Variants in NOMO2 observed in about 807,000 individuals in gnomAD.
NOMO2 encodes the protein NODAL modulator 2.
A neutral mutation model predicts 67.1 loss-of-function variants in NOMO2; 14 were observed. The ratio of observed to expected loss-of-function variants is 0.21; its 90% confidence interval spans 0.14 to 0.33. The LOEUF (loss-of-function observed/expected upper bound fraction) is 0.33, where lower values mean the gene tolerates loss of function less well. Ranked by LOEUF, NOMO2 falls within the 10% of genes least tolerant of loss-of-function variation. The pLI is 1.00. For synonymous variants in NOMO2, 80 were observed against 305.9 expected (o/e 0.26, Z 7.71); for missense variants, 178 against 761.0 (o/e 0.23, Z 9.01).
intron 1 of NOMO2, among the ~76,000 whole-genome samples, chr16:18,558,098 T>G (rs1369080945): frequency 6.7e-6 from 1 of 149,878 alleles, no homozygotes; most frequent in Middle Eastern, 3.4e-3. Flanking sequence ...TAAAACAAAT[T>G]TGCAAACTTT....
At chr16:18,555,479 GAACCAT>G (rs1901881944) in intron 2 of NOMO2, among the ~76,000 whole-genome samples, 1 of 149,024 alleles carries the variant, frequency 6.7e-6, no homozygotes, top group African/African-American at 2.5e-5. Context: ...GTGCTGCAGT[GAACCAT>G]AATTGTGCCC....
intron 1 of NOMO2, among the ~76,000 whole-genome samples, chr16:18,560,022 A>G (rs879761713): frequency 0.031 from 4,418 of 144,452 alleles, no homozygotes; most frequent in African/African-American, 0.07. Context: ...TGTTGACTCA[A>G]TGAACACGAT....
At position 18,529,880 on chromosome 16, in the gene NOMO2, T is replaced by C. The variant is rs376571400; in HGVS notation, c.1670-243A>G. On this transcript the variant is annotated intron_variant, in intron 14 of 30. Transcript: ENST00000622306. ...CTATAATCCCAGCACTCTGGGAGGCTGACGGCAGTTGGATGGCTTGAAGCC... is the reference window on the plus strand; with the variant it reads ...CTATAATCCCAGCACTCTGGGAGGCCGACGGCAGTTGGATGGCTTGAAGCC... 8.9e-4 allele frequency among the ~76,000 whole-genome samples: 134 copies of C among 150,728 alleles called. 1 individual carries two copies. Among genetic ancestry groups the C allele is most frequent in the Middle Eastern group, 3.4e-3 (1 of 290 alleles).
intron 1 of NOMO2, chr16:18,558,800 G>C (rs1303808365): frequency 2.2e-6 from 1 of 455,218 alleles, no homozygotes; most frequent in Non-Finnish European, 4.4e-6. Flanking sequence ...TAGACACAGA[G>C]CCGCTCCTTT....
intron 1 of NOMO2, among the ~76,000 whole-genome samples, chr16:18,559,956 T>C (rs1376634237): frequency 1.3e-5 from 2 of 151,800 alleles, no homozygotes; most frequent in Non-Finnish European, 2.9e-5. Flanking sequence ...TTCACTGTAC[T>C]GCTATATCCA....
chr16:18,558,731 T>C (rs904039422), intron 1 of NOMO2: 54 of 420,306 alleles, frequency 1.3e-4, no homozygotes, highest in Non-Finnish European at 2.5e-4. Flanking sequence ...CCAAATGCCA[T>C]CTGAGTCTTC....
In NOMO2 at chr16:18,557,702, C is replaced by T. The variant is rs1209566795; in HGVS notation, c.255G>A (p.Lys85=). The change falls in exon 2 of 31, where the codon AAG becomes AAA. Residue 85 remains lysine (K), a splice_region_variant and synonymous_variant. Coordinates refer to ENST00000622306, the MANE Select transcript of NOMO2 (RefSeq NM_173614.4). ...NGYFMIPLYD[K]GDFILKIEPP... is the part of the protein sequence containing the mutation. ...TAAGTGACAAGCAGTCCCCTCTTACCTTATCATACAAAGGGATCATAAAGT... is the reference window on the plus strand; with the variant it reads ...TAAGTGACAAGCAGTCCCCTCTTACTTTATCATACAAAGGGATCATAAAGT... 1.2e-6 allele frequency: 2 copies of T among 1,610,570 alleles called. No homozygotes were observed. The highest frequency in any genetic ancestry group is 2.7e-5 in the African/African-American group (2 of 74,768).
chr16:18,561,078 C>T (rs1316703511), intron 1 of NOMO2, among the ~76,000 whole-genome samples: 1 of 148,556 alleles, frequency 6.7e-6, no homozygotes, highest in African/African-American at 2.5e-5. Context: ...ACATTCTGCC[C>T]CTACCTCCAT....
At chr16:18,545,160 A>G (rs1019152218) in intron 6 of NOMO2, among the ~76,000 whole-genome samples, 2 of 148,384 alleles carry the variant, frequency 1.3e-5, no homozygotes, top group African/African-American at 5.0e-5. Context: ...CAGTGGTGCA[A>G]TCTTGGCTCA....
intron 2 of NOMO2, among the ~76,000 whole-genome samples, chr16:18,555,702 G>C (rs1901888820): frequency 7.4e-6 from 1 of 134,462 alleles, no homozygotes; most frequent in South Asian, 2.5e-4. Flanking sequence ...TCCGTCTCCT[G>C]GGTTCAAGCG....
chr16:18,526,934 A>G (rs2561928), intron 16 of NOMO2, among the ~76,000 whole-genome samples: 1,586 of 151,784 alleles, frequency 0.01, 18 homozygotes, highest in South Asian at 0.033. Flanking sequence ...AAGAGAGAGA[A>G]GGTTGGGTGC....
intron 11 of NOMO2, among the ~76,000 whole-genome samples, chr16:18,534,324 CT>C (rs1901372285): frequency 6.6e-6 from 1 of 150,996 alleles, no homozygotes; most frequent in Non-Finnish European, 1.5e-5. Flanking sequence ...ATTTTACACT[CT>C]TAAGTGGTTA....
In NOMO2 at chr16:18,550,642, G is replaced by A. The variant is rs570394310; in HGVS notation, c.402+797C>T. ...CTGAGAATCTGAATCGCGGGAGCTG[G>A]GCACACACCCGTTAGGACTCTAAAT... On this transcript the variant is annotated intron_variant, in intron 4 of 30. Transcript: ENST00000622306. 1.4e-3 allele frequency among the ~76,000 whole-genome samples: 207 copies of A among 152,108 alleles called. 1 individual carries two copies. The highest frequency in any genetic ancestry group is 1.4e-3 in the Non-Finnish European group (97 of 67,996).
At chr16:18,535,568 G>C (rs1236152301) in intron 11 of NOMO2, among the ~76,000 whole-genome samples, 1 of 151,820 alleles carries the variant, frequency 6.6e-6, no homozygotes. Flanking sequence ...ACAGGCCTGT[G>C]GGTGTGTTCT....
intron 1 of NOMO2, among the ~76,000 whole-genome samples, chr16:18,559,426 C>T (rs1230872829): frequency 2.6e-5 from 4 of 151,828 alleles, no homozygotes; most frequent in East Asian, 2.0e-4. Context: ...AACCATGACA[C>T]GAGCCGCAAT....
chr16:18,561,044 C>T lies in NOMO2; in HGVS notation c.165+832G>A, dbSNP rs1902025807. On this transcript the variant is annotated intron_variant, in intron 1 of 30. Coordinates refer to ENST00000622306, the MANE Select transcript of NOMO2 (RefSeq NM_173614.4). ...ATGAGGCCCAGGCCTTGCTCTGGTC[C>T]CCTCCCATCTACCGGGACAAATGAC... Among the ~76,000 whole-genome samples the T allele has an allele frequency of 3.3e-5, 5 of 150,942 alleles. No individual in the cohort carries two copies. The South Asian group carries it at 1.1e-3, about 32-fold the overall frequency.
In NOMO2 at chr16:18,538,905, T is replaced by C. The variant is rs1179689973; in HGVS notation, c.1023A>G (p.Gly341=). ...VTGRVLNGPE[G]DGVPEAVVTL... The stretch of plus-strand genomic sequence containing the variant: ...TGACTACTGCTTCTGGAACACCATC[T>C]CCTTCGGGTCCGTTCAAGACCCTCC... The change falls in exon 10 of 31, where the codon GGA becomes GGG. Residue 341 remains glycine (G), a synonymous_variant. Coordinates refer to ENST00000622306, the MANE Select transcript of NOMO2 (RefSeq NM_173614.4). 6.4e-7 allele frequency: 1 copy of C among 1,570,290 alleles called. No homozygotes were observed. The highest frequency in any genetic ancestry group is 8.7e-7 in the Non-Finnish European group (1 of 1,143,622).
At chr16:18,527,465 AT>A in intron 16 of NOMO2, 71 bp downstream of exon 16, 1 of 781,412 alleles carries the variant, frequency 1.3e-6, no homozygotes. Flanking sequence ...GTAGAAAAAA[AT>A]GCCTTCAAAA....
chr16:18,561,345 A>G (rs1287417784), intron 1 of NOMO2, among the ~76,000 whole-genome samples: 7 of 151,290 alleles, frequency 4.6e-5, no homozygotes, highest in African/African-American at 2.4e-5. Flanking sequence ...GCCAATACTG[A>G]TCTACTAGGT....
Sources: allele counts gnomAD v4.1 joint callset (sites outside exome capture counted in the v4.1 genomes callset), GRCh38; gene constraint gnomAD v4.1.1; transcripts MANE v1.5; gene names NCBI Gene and HGNC (gene_info 2026-07-23, HGNC 2026-07-21).